TENM2: variants seen among roughly 807,000 people sequenced by gnomAD.
TENM2 encodes the protein teneurin transmembrane protein 2, also known as teneurin-2.
TENM2 carries 52 observed loss-of-function variants against 245.2 expected under a neutral mutation model. The observed-to-expected ratio is 0.21, with a 90% confidence interval of 0.17 to 0.27. The LOEUF is 0.27. Ranked by LOEUF, TENM2 falls within the 10% of genes least tolerant of loss-of-function variation. TENM2 has a pLI of 1.00. For missense variants in TENM2, 3,046 were observed against 3,666.8 expected (o/e 0.83, Z 4.37); for synonymous variants, 1,363 against 1,438.9 (o/e 0.95, Z 1.19).
At chr5:168,195,779 A>G (rs1212573730) in intron 15 of TENM2, among the ~76,000 whole-genome samples, 3 of 151,826 alleles carry the variant, frequency 2.0e-5, no homozygotes, top group East Asian at 3.9e-4. Context: ...TGTTTTCGCT[A>G]CTGTTTGGAG....
chr5:167,658,199 CTG>C (rs1754975472), intron 2 of TENM2, among the ~76,000 whole-genome samples: 1 of 150,882 alleles, frequency 6.6e-6, no homozygotes, highest in African/African-American at 2.4e-5. Context: ...AGGCCAAATG[CTG>C]TGCGAAGCCT....
intron 2 of TENM2, among the ~76,000 whole-genome samples, chr5:167,602,148 C>T (rs1437500130): frequency 2.0e-5 from 3 of 152,098 alleles, no homozygotes; most frequent in East Asian, 1.9e-4. Context: ...TTTAAATCTC[C>T]GGATTCCTTT....
intron 2 of TENM2, among the ~76,000 whole-genome samples, chr5:167,831,573 C>G (rs1303718412): frequency 6.7e-6 from 1 of 149,252 alleles, no homozygotes; most frequent in East Asian, 2.0e-4. Context: ...AGTATAAACT[C>G]ATGTCAGAAA....
At chr5:167,235,376 C>G in the TENM2 span, among the ~76,000 whole-genome samples, 1 of 152,124 alleles carries the variant, frequency 6.6e-6, no homozygotes, top group Non-Finnish European at 1.5e-5. Context: ...TAACACTGCC[C>G]TTTTGCTCCC....
At chr5:168,021,757 G>A (rs1415306924) in intron 5 of TENM2, among the ~76,000 whole-genome samples, 2 of 149,262 alleles carry the variant, frequency 1.3e-5, no homozygotes, top group African/African-American at 5.0e-5. Context: ...GAAACAGACT[G>A]TCCTACATAT....
intron 7 of TENM2, among the ~76,000 whole-genome samples, chr5:168,077,535 G>A (rs1347798006): frequency 6.6e-6 from 1 of 151,886 alleles, no homozygotes; most frequent in Admixed American, 6.6e-5. Flanking sequence ...CCATTAACTA[G>A]TCATTTACAT....
At chr5:167,302,479 T>TG (rs1755395144) in intron 1 of TENM2, among the ~76,000 whole-genome samples, 2 of 111,392 alleles carry the variant, frequency 1.8e-5, no homozygotes, top group South Asian at 6.0e-4. Flanking sequence ...GGGGTCAGGG[T>TG]GGGGAAATAA....
intron 12 of TENM2, among the ~76,000 whole-genome samples, chr5:168,155,892 TAAAAAAAAAAAAAAAA>T (rs55977607): frequency 0.022 from 2,174 of 96,966 alleles, 79 homozygotes; most frequent in African/African-American, 0.073. Flanking sequence ...CTGGCATCTG[TAAAAAAAAAAAAAAAA>T]AAAAAAAAAA....
chr5:168,178,035 C>A (rs1417199784), intron 13 of TENM2, among the ~76,000 whole-genome samples: 1 of 152,176 alleles, frequency 6.6e-6, no homozygotes, highest in African/African-American at 2.4e-5. Flanking sequence ...TGGGGCATTT[C>A]TTTATGCAGC....
At chr5:167,650,531 G>T (rs895228197) in intron 2 of TENM2, among the ~76,000 whole-genome samples, 1 of 152,078 alleles carries the variant, frequency 6.6e-6, no homozygotes, top group Admixed American at 6.6e-5. Flanking sequence ...TGATACAGTT[G>T]ATTTTATTTG....
intron 2 of TENM2, among the ~76,000 whole-genome samples, chr5:167,767,467 G>A (rs190236864): frequency 1.3e-5 from 2 of 152,302 alleles, no homozygotes; most frequent in South Asian, 2.1e-4. Context: ...GACCTCCGGA[G>A]ATGGATGGTG....
upstream of TENM2, among the ~76,000 whole-genome samples, chr5:167,281,982 A>G (rs899476379): frequency 7.1e-6 from 1 of 140,304 alleles, no homozygotes; most frequent in African/African-American, 2.7e-5. Context: ...CCTGGGCAAC[A>G]AGAGCAAAAC....
At chr5:167,535,222 A>G (rs1342523116) in intron 2 of TENM2, among the ~76,000 whole-genome samples, 1 of 151,876 alleles carries the variant, frequency 6.6e-6, no homozygotes, top group Non-Finnish European at 1.5e-5. Flanking sequence ...CTCTAGCCAC[A>G]CTGTAACAGA....
the TENM2 span, among the ~76,000 whole-genome samples, chr5:167,232,580 C>G: frequency 6.6e-6 from 1 of 151,994 alleles, no homozygotes; most frequent in African/African-American, 2.4e-5. Flanking sequence ...CCCATGTTGT[C>G]CAGGCTTGTC....
intron 22 of TENM2, 110 bp downstream of exon 24, chr5:168,217,032 T>C: frequency 1.6e-6 from 2 of 1,234,952 alleles, no homozygotes; most frequent in Non-Finnish European, 2.3e-6. Flanking sequence ...GAGATACAGA[T>C]ACAGATCACG....
chr5:167,495,044 G>A lies in TENM2; in HGVS notation c.502+119571G>A, dbSNP rs570215095. ...TAATGGTGGAACTTTTTAATATAAA[G>A]TTTTTATTGTAATAATTTAAAATGA... On this transcript the variant is annotated intron_variant, in intron 2 of 28. Coordinates refer to ENST00000518659, the Ensembl canonical transcript of TENM2. Among the ~76,000 whole-genome samples the A allele has an allele frequency of 4.5e-4, 69 of 152,042 alleles. 2 individuals are homozygous for A. The highest frequency in any genetic ancestry group is 4.8e-5 in the African/African-American group (2 of 41,528).
At chr5:167,816,307 C>G (rs1294201468) in intron 2 of TENM2, among the ~76,000 whole-genome samples, 1 of 152,050 alleles carries the variant, frequency 6.6e-6, no homozygotes, top group Non-Finnish European at 1.5e-5. Flanking sequence ...TAGAATCAAC[C>G]AAGTTTTTGA....
intron 2 of TENM2, among the ~76,000 whole-genome samples, chr5:167,746,265 G>C (rs142559963): frequency 6.6e-6 from 1 of 152,258 alleles, no homozygotes; most frequent in East Asian, 1.9e-4. Flanking sequence ...CCATACTAGG[G>C]AGTGTTGCCA....
At chr5:167,921,259 A>G (rs1280502690) in intron 3 of TENM2, among the ~76,000 whole-genome samples, 2 of 152,192 alleles carry the variant, frequency 1.3e-5, no homozygotes, top group Non-Finnish European at 2.9e-5. Context: ...TTACATTTGG[A>G]TGTGCAAGGA....
Sources: gnomAD v4.1 joint callset for allele counts (sites outside exome capture counted in the v4.1 genomes callset) on GRCh38, gnomAD v4.1.1 for gene constraint, MANE v1.5 for transcripts, NCBI Gene and HGNC (gene_info 2026-07-23, HGNC 2026-07-21) for gene names.